The following IQGAP2 variants were observed in gnomAD, a reference collection of about 807,000 sequenced individuals.
IQGAP2 encodes the protein IQ motif containing GTPase activating protein 2.
A neutral mutation model predicts 201.3 loss-of-function variants in IQGAP2; 173 were observed. The ratio of observed to expected loss-of-function variants is 0.86; its 90% confidence interval spans 0.76 to 0.98. IQGAP2 has a LOEUF of 0.98. Ranked by LOEUF, IQGAP2 falls within the 50% of genes least tolerant of loss-of-function variation. The probability of loss-of-function intolerance (pLI) is 0.00; values close to 1 mark genes in which losing one functional copy is unlikely to be tolerated. For missense variants in IQGAP2, 1,687 were observed against 1,864.8 expected (o/e 0.90, Z 1.76); for synonymous variants, 675 against 673.9 (o/e 1.00, Z -0.03).
intron 1 of IQGAP2, among the ~76,000 whole-genome samples, chr5:76,418,092 A>G (rs1751513812): frequency 6.6e-6 from 1 of 150,760 alleles, no homozygotes; most frequent in Non-Finnish European, 1.5e-5. Flanking sequence ...CTGTAATCCC[A>G]GCTACTCAGG....
intron 3 of IQGAP2, among the ~76,000 whole-genome samples, chr5:76,564,727 G>GT (rs1460609986): frequency 3.3e-5 from 5 of 152,216 alleles, no homozygotes; most frequent in African/African-American, 1.2e-4. Flanking sequence ...CTTGCGGGGC[G>GT]TAGGCAGGTG....
intron 2 of IQGAP2, among the ~76,000 whole-genome samples, chr5:76,512,794 C>T (rs188280684): frequency 2.0e-5 from 3 of 152,336 alleles, no homozygotes; most frequent in Non-Finnish European, 4.4e-5. Flanking sequence ...CGGTGGCTCA[C>T]GCCTGTAATC....
intron 5 of IQGAP2, among the ~76,000 whole-genome samples, chr5:76,578,938 G>A (rs1343512813): frequency 4.0e-5 from 6 of 149,890 alleles, no homozygotes; most frequent in Non-Finnish European, 5.9e-5. Context: ...GGCCTTTTAC[G>A]TAAGGGTAAG....
intron 1 of IQGAP2, among the ~76,000 whole-genome samples, chr5:76,414,051 T>G (rs1461390379): frequency 6.6e-6 from 1 of 152,190 alleles, no homozygotes; most frequent in Admixed American, 6.5e-5. Context: ...CTAACTGGAA[T>G]GTTGAAGCCA....
At chr5:76,509,021 G>GTA (rs1293087793) in intron 2 of IQGAP2, among the ~76,000 whole-genome samples, 7 of 108,060 alleles carry the variant, frequency 6.5e-5, no homozygotes, top group South Asian at 2.9e-4. Context: ...CAGTTTGGCT[G>GTA]TATATATATG....
chr5:76,496,704 C>CTTTCTTTCTTTCTTTCTTTCTTTCTTTCT lies in IQGAP2; in HGVS notation c.146+35058_146+35059insCTTTCTTTTCTTTCTTTCTTTCTTTCTTT, dbSNP rs1561415938. Among the ~76,000 whole-genome samples the CTTTCTTTCTTTCTTTCTTTCTTTCTTTCT allele has an allele frequency of 8.6e-4, 18 of 20,928 alleles. 3 individuals are homozygous for CTTTCTTTCTTTCTTTCTTTCTTTCTTTCT. The highest frequency in any genetic ancestry group is 2.9e-3 in the African/African-American group (17 of 5,772). 13.7% of individuals were successfully genotyped at this position (20,928 alleles called of 152,430 possible). A position where few individuals can be genotyped will look rare whatever the true frequency, so the allele number is the denominator to read the frequency against. ...CAAATATTTTTCTTTCTTTCTGTCTCTTTCTTTCTTTCTTTCTTTCTTTTC... is the reference window on the plus strand; with the variant it reads ...CAAATATTTTTCTTTCTTTCTGTCTCTTTCTTTCTTTCTTTCTTTCTTTCTTTCTTTTCTTTCTTTCTTTCTTTCTTTTC... On this transcript the variant is annotated intron_variant, in intron 2 of 35. Coordinates refer to ENST00000274364, the MANE Select transcript of IQGAP2 (RefSeq NM_006633.5).
intron 1 of IQGAP2, among the ~76,000 whole-genome samples, chr5:76,456,506 C>CCTGAAA (rs1754093122): frequency 7.2e-5 from 11 of 152,290 alleles, no homozygotes; most frequent in African/African-American, 2.6e-4. Flanking sequence ...TTTAGGTTCT[C>CCTGAAA]TCATCTTTAT....
intron 17 of IQGAP2, among the ~76,000 whole-genome samples, chr5:76,643,494 C>T (rs1751757283): frequency 6.6e-6 from 1 of 152,056 alleles, no homozygotes; most frequent in South Asian, 2.1e-4. Context: ...ATTTGCTTCT[C>T]AAGTGCTTGA....
intron 2 of IQGAP2, among the ~76,000 whole-genome samples, chr5:76,482,289 C>T (rs1755839412): frequency 6.6e-6 from 1 of 152,160 alleles, no homozygotes; most frequent in Non-Finnish European, 1.5e-5. Context: ...TGCTTTGTTC[C>T]TGAAGTTAAA....
At chr5:76,414,092 C>T (rs1409153419) in intron 1 of IQGAP2, among the ~76,000 whole-genome samples, 3 of 152,222 alleles carry the variant, frequency 2.0e-5, no homozygotes, top group African/African-American at 4.8e-5. Flanking sequence ...CCGCAACTCA[C>T]GTGCCCACTT....
intron 2 of IQGAP2, among the ~76,000 whole-genome samples, chr5:76,475,276 G>C (rs1399781059): frequency 6.6e-6 from 1 of 152,142 alleles, no homozygotes; most frequent in Non-Finnish European, 1.5e-5. Flanking sequence ...TAGTTTTGAA[G>C]ATCCAATTAG....
intron 28 of IQGAP2, among the ~76,000 whole-genome samples, chr5:76,680,170 C>T (rs1052493718): frequency 2.0e-5 from 3 of 152,138 alleles, no homozygotes; most frequent in Admixed American, 6.5e-5. Context: ...GGGATAGAAT[C>T]GAGAGTCTAG....
chr5:76,432,285 A>G (rs1020741146), intron 1 of IQGAP2, among the ~76,000 whole-genome samples: 2 of 151,962 alleles, frequency 1.3e-5, no homozygotes, highest in Admixed American at 1.3e-4. Context: ...CCACCACGCC[A>G]GGCTAATTTT....
At chr5:76,697,935 A>G (rs559739483) in intron 32 of IQGAP2, 52 bp from the exon 33 acceptor site, 1 of 1,436,974 alleles carries the variant, frequency 7.0e-7, no homozygotes, top group East Asian at 2.3e-5. Context: ...AACTGGCAAT[A>G]TCATAAAGCA....
chr5:76,638,203 AC>A (rs1404859077), intron 16 of IQGAP2, among the ~76,000 whole-genome samples: 1 of 152,046 alleles, frequency 6.6e-6, no homozygotes, highest in African/African-American at 2.4e-5. Context: ...ATTAGGTGAA[AC>A]CCCATCTTTA....
chr5:76,644,295 C>CTTTTTTTTTTTTTTTTTTTTTTTTTTTT lies in IQGAP2; in HGVS notation c.2094+3214_2094+3215insTTTTTTTTTTTTTTTTTTTTTTTTTTTT, dbSNP rs547155944. Among the ~76,000 whole-genome samples the CTTTTTTTTTTTTTTTTTTTTTTTTTTTT allele has an allele frequency of 3.2e-3, 155 of 47,708 alleles. 36 individuals carry two copies. Among genetic ancestry groups the CTTTTTTTTTTTTTTTTTTTTTTTTTTTT allele is most frequent in the Non-Finnish European group, 4.8e-3 (110 of 22,962 alleles). 31.3% of individuals were successfully genotyped at this position (47,708 alleles called of 152,430 possible). A position where few individuals can be genotyped will look rare whatever the true frequency, so the allele number is the denominator to read the frequency against. The stretch of plus-strand genomic sequence containing the variant: ...AATGAGACTGCCATTTTTGTAAATC[C>CTTTTTTTTTTTTTTTTTTTTTTTTTTTT]TTTTTTTTTTTTTTTTTTTTTTGAG... On this transcript the variant is annotated intron_variant, in intron 17 of 35. Transcript: ENST00000274364.
In IQGAP2 at chr5:76,668,809, C is replaced by T; in HGVS notation, c.2808C>T (p.Leu936=). The T allele has an allele frequency of 6.2e-7, 1 of 1,605,836 alleles. No homozygotes were observed. The highest frequency in any genetic ancestry group is 2.2e-5 in the East Asian group (1 of 44,602). The stretch of plus-strand genomic sequence containing the variant: ...ATCAGCGAGAAGAATATCTACTTCT[C>T]AAGCTTTTTAAAACTGCTCTGGAGG... ...ASNQREEYLL[L]KLFKTALEEE... The change falls in exon 23 of 36, where the codon CTC becomes CTT. Residue 936 remains leucine (L), a synonymous_variant. Coordinates refer to ENST00000274364, the MANE Select transcript of IQGAP2 (RefSeq NM_006633.5).
chr5:76,636,089 G>C (rs773063096), intron 15 of IQGAP2, among the ~76,000 whole-genome samples: 17 of 152,128 alleles, frequency 1.1e-4, no homozygotes, highest in Admixed American at 2.0e-4. Flanking sequence ...ACATATTAAA[G>C]AGCCTTAAAG....
intron 21 of IQGAP2, among the ~76,000 whole-genome samples, chr5:76,662,671 A>G (rs1743365781): frequency 6.6e-6 from 1 of 152,230 alleles, no homozygotes. Context: ...TGTAAGCCAC[A>G]TTTATTCTAG....
Sources: gnomAD v4.1 joint callset for allele counts (sites outside exome capture counted in the v4.1 genomes callset) on GRCh38, gnomAD v4.1.1 for gene constraint, MANE v1.5 for transcripts, NCBI Gene and HGNC (gene_info 2026-07-23, HGNC 2026-07-21) for gene names.